Variants in USP9Y observed in about 807,000 individuals in gnomAD.
The protein encoded by USP9Y is ubiquitin carboxyl-terminal hydrolase 9Y.
A neutral mutation model predicts 53.1 loss-of-function variants in USP9Y; 41 were observed. The observed-to-expected ratio is 0.77, with a 90% CI of 0.60 to 1.00. The LOEUF is 1.00. Among genes scored for constraint, USP9Y ranks in the 50% least tolerant of loss-of-function variants. USP9Y has a pLI of 0.00. For synonymous variants in USP9Y, 220 were observed against 173.7 expected, an observed-to-expected ratio of 1.27 and a Z score of -2.09; for missense variants, 567 against 535.8, an observed-to-expected ratio of 1.06 and a Z score of -0.58.
chrY:12,799,109 C>T, intron 27 of USP9Y, among the ~76,000 whole-genome samples: 1 of 31,919 alleles, frequency 3.1e-5, no homozygotes, highest in Non-Finnish European at 7.7e-5. Flanking sequence ...GTGATCCTCC[C>T]GCCTCCCAAA....
chrY:12,783,491 T>A (rs2053499594), intron 22 of USP9Y, among the ~76,000 whole-genome samples: 1 of 33,265 alleles, frequency 3.0e-5, no homozygotes, highest in Non-Finnish European at 7.5e-5. Context: ...CTGGTGCAAT[T>A]TATTGTGCCC....
At chrY:12,783,848 A>C in intron 22 of USP9Y, among the ~76,000 whole-genome samples, 1 of 33,535 alleles carries the variant, frequency 3.0e-5, no homozygotes, top group South Asian at 6.7e-4. Flanking sequence ...TCCCTATACG[A>C]AAGTTTTGTC....
In USP9Y at chrY:12,793,103, C is replaced by G. The variant is rs2053510225; in HGVS notation, c.3885C>G (p.Thr1295=). The change falls in exon 27 of 46, where the codon ACC becomes ACG. Residue 1295 remains threonine (T), a synonymous_variant. Coordinates refer to ENST00000338981, the MANE Select transcript of USP9Y (RefSeq NM_004654.4). ...GCTGTGAAGCACTGGAAGTGATGAC[C>G]TTATGTTTTGCTTTACTTCCAACAG... The part of the protein sequence containing the change: ...QVCCEALEVM[T]LCFALLPTAL... The G allele has an allele frequency of 2.5e-6, 1 of 396,860 alleles. No homozygotes were observed. Among genetic ancestry groups the G allele is most frequent in the African/African-American group, 6.3e-5 (1 of 15,758 alleles).
At chrY:12,710,694 A>G in intron 3 of USP9Y, among the ~76,000 whole-genome samples, 2 of 33,475 alleles carry the variant, frequency 6.0e-5, no homozygotes, top group African/African-American at 2.3e-4. Context: ...ACGGTAGAGA[A>G]TTGATATATT....
intron 16 of USP9Y, 128 bp from the exon 17 acceptor site, chrY:12,773,455 A>G: frequency 5.6e-6 from 1 of 179,997 alleles, no homozygotes; most frequent in Non-Finnish European, 1.0e-5. Context: ...AATTATTTTG[A>G]AAGAATTCAT....
At chrY:12,754,881 G>C (rs529707604) in intron 12 of USP9Y, among the ~76,000 whole-genome samples, 8 of 32,391 alleles carry the variant, frequency 2.5e-4, no homozygotes, top group African/African-American at 9.6e-4. Flanking sequence ...GTTTAGAGAG[G>C]GTTGTTGATG....
chrY:12,737,080 A>G, intron 10 of USP9Y, among the ~76,000 whole-genome samples: 3 of 30,225 alleles, frequency 9.9e-5, no homozygotes, highest in African/African-American at 2.6e-4. Flanking sequence ...GGTTCAAGCA[A>G]TTATCTGCCT....
intron 44 of USP9Y, chrY:12,857,141 C>A: frequency 1.3e-5 from 1 of 79,240 alleles, no homozygotes; most frequent in South Asian, 8.3e-5. Context: ...TTGAGTCTCA[C>A]CCTATTGCCC....
At chrY:12,758,766 G>C in intron 14 of USP9Y, 124 bp downstream of exon 14, 1 of 141,587 alleles carries the variant, frequency 7.1e-6, no homozygotes. Flanking sequence ...CTAAGAGTTT[G>C]TTTACAACAA....
intron 37 of USP9Y, 100 bp downstream of exon 37, chrY:12,841,233 A>C: frequency 8.2e-6 from 2 of 245,074 alleles, no homozygotes; most frequent in African/African-American, 7.9e-5. Context: ...ATCATTTCAA[A>C]TTTAAAATAT....
chrY:12,752,594 G>T, intron 12 of USP9Y, among the ~76,000 whole-genome samples: 1 of 32,900 alleles, frequency 3.0e-5, no homozygotes, highest in Non-Finnish European at 7.5e-5. Context: ...CATTATGTTG[G>T]TTAGAATTGC....
At chrY:12,712,102 G>A (rs1056515145) in intron 3 of USP9Y, among the ~76,000 whole-genome samples, 1 of 33,407 alleles carries the variant, frequency 3.0e-5, no homozygotes, top group Non-Finnish European at 7.4e-5. Context: ...GCCACTGGGC[G>A]GGTTATCTTG....
chrY:12,816,473 C>G, intron 32 of USP9Y, 129 bp downstream of exon 32: 1 of 180,779 alleles, frequency 5.5e-6, no homozygotes, highest in South Asian at 4.3e-5. Flanking sequence ...CTCTGAGATA[C>G]TATGTCTGGC....
Position 12,702,784 on chromosome Y carries a change from A to G in USP9Y, c.-121+729A>G, listed in dbSNP as rs776707580. Reference sequence around the variant, plus strand: ...GTCTTTAGTTATTTTTCCCTCCACAATAAATTTTTGTTTTTAGTATAAGTC... The same window carrying G: ...GTCTTTAGTTATTTTTCCCTCCACAGTAAATTTTTGTTTTTAGTATAAGTC... On this transcript the variant is annotated intron_variant, in intron 1 of 45. Transcript: ENST00000338981. Among the ~76,000 whole-genome samples, 7 of 33,359 alleles carry G rather than the reference A, an allele frequency of 2.1e-4. No homozygotes were observed. In the East Asian group the frequency reaches 5.4e-3, roughly 26 times the overall value. The allele number at this position is 33,359 out of a possible 37,273, so 89.5% of individuals were successfully genotyped here.
chrY:12,772,263 C>A (rs2053486474), intron 16 of USP9Y, among the ~76,000 whole-genome samples: 1 of 32,987 alleles, frequency 3.0e-5, no homozygotes, highest in African/African-American at 1.2e-4. Context: ...GACCAGATTA[C>A]CCATATAGAA....
Position 12,812,841 on chromosome Y carries a change from T to C in USP9Y, c.4398T>C (p.Asp1466=). 2.6e-6 allele frequency: 1 copy of C among 391,208 alleles called. No individual in the cohort carries two copies. ...TTCTAACTTACTAGGAATTAATTGATGATTTCATCTTTCCCGCATCCAAAG... is the reference window on the plus strand; with the variant it reads ...TTCTAACTTACTAGGAATTAATTGACGATTTCATCTTTCCCGCATCCAAAG... ...GGANLIKELI[D]DFIFPASKVY... is the part of the protein sequence containing the mutation. Residue 1466 remains aspartate, a synonymous_variant, in exon 31 of 46, where the codon GAT becomes GAC. Transcript: ENST00000338981.
At chrY:12,814,244 T>G in intron 31 of USP9Y, among the ~76,000 whole-genome samples, 1 of 33,009 alleles carries the variant, frequency 3.0e-5, no homozygotes, top group South Asian at 6.8e-4. Flanking sequence ...AACACTTGTT[T>G]ATGGCCGGGC....
intron 22 of USP9Y, among the ~76,000 whole-genome samples, chrY:12,784,267 G>C: frequency 3.0e-5 from 1 of 33,716 alleles, no homozygotes; most frequent in Admixed American, 2.7e-4. Context: ...CAGGTGATGT[G>C]GTCTGAGAGC....
chrY:12,733,166 G>A, intron 7 of USP9Y, among the ~76,000 whole-genome samples: 2 of 31,700 alleles, frequency 6.3e-5, no homozygotes, highest in African/African-American at 1.3e-4. Context: ...CGATCCGCCC[G>A]CCGCGGCCTC....
Sources: gnomAD v4.1 joint callset for allele counts (sites outside exome capture counted in the v4.1 genomes callset) on GRCh38, gnomAD v4.1.1 for gene constraint, MANE v1.5 for transcripts, NCBI Gene and HGNC (gene_info 2026-07-23, HGNC 2026-07-21) for gene names.